RNF150: variants seen among roughly 807,000 people sequenced by gnomAD.
RNF150 encodes ring finger protein 150.
Under a neutral mutation model 39.3 loss-of-function variants are expected in RNF150, and 24 were observed. That is an observed-to-expected ratio of 0.61 (90% CI 0.44 to 0.86). The LOEUF is 0.86. Among genes scored for constraint, RNF150 ranks in the 40% least tolerant of loss-of-function variants. RNF150 has a pLI of 0.00. For missense variants in RNF150, 502 were observed against 587.8 expected (o/e 0.85, Z 1.51); for synonymous variants, 255 against 227.3 (o/e 1.12, Z -1.10).
At chr4:141,164,754 ATGAGACATTT>A (rs1416699406) in intron 1 of RNF150, among the ~76,000 whole-genome samples, 1 of 152,236 alleles carries the variant, frequency 6.6e-6, no homozygotes, top group African/African-American at 2.4e-5. Flanking sequence ...CAAGCAAATG[ATGAGACATTT>A]TGTCACCACC....
At chr4:140,952,403 T>A (rs1164974836) in intron 2 of RNF150, among the ~76,000 whole-genome samples, 1 of 152,230 alleles carries the variant, frequency 6.6e-6, no homozygotes, top group Non-Finnish European at 1.5e-5. Flanking sequence ...AAATGAAATA[T>A]GCCCTTCTTA....
At chr4:141,104,763 C>T (rs1739140834) in intron 1 of RNF150, among the ~76,000 whole-genome samples, 1 of 152,200 alleles carries the variant, frequency 6.6e-6, no homozygotes, top group Non-Finnish European at 1.5e-5. Context: ...GACAATCATT[C>T]AAAACATGAA....
At chr4:141,050,611 G>A (rs1736740040) in intron 1 of RNF150, among the ~76,000 whole-genome samples, 1 of 152,176 alleles carries the variant, frequency 6.6e-6, no homozygotes, top group African/African-American at 2.4e-5. Flanking sequence ...ATCCAGCAGG[G>A]CAGTTGAATC....
At chr4:140,895,703 TCTTATC>T (rs578178233) in intron 6 of RNF150, among the ~76,000 whole-genome samples, 130 of 152,308 alleles carry the variant, frequency 8.5e-4, no homozygotes, top group Non-Finnish European at 1.7e-3. Context: ...AGCCTTGTTG[TCTTATC>T]CTTTTTCTTA....
chr4:141,008,605 G>C (rs1365588529), intron 1 of RNF150, among the ~76,000 whole-genome samples: 2 of 152,102 alleles, frequency 1.3e-5, no homozygotes. Flanking sequence ...GGGTTCAAAG[G>C]CCTTTTGTTC....
chr4:141,003,770 A>C (rs1734761494), intron 1 of RNF150, among the ~76,000 whole-genome samples: 2 of 152,140 alleles, frequency 1.3e-5, no homozygotes, highest in African/African-American at 4.8e-5. Flanking sequence ...AGATGATAGA[A>C]GTTAAGAATT....
intron 1 of RNF150, among the ~76,000 whole-genome samples, chr4:141,101,408 C>T (rs1298704821): frequency 2.0e-5 from 3 of 151,992 alleles, no homozygotes; most frequent in Non-Finnish European, 4.4e-5. Context: ...CGTCCTCTAC[C>T]TCCATATATT....
At chr4:141,126,503 T>C (rs1011564393) in intron 1 of RNF150, among the ~76,000 whole-genome samples, 1 of 152,206 alleles carries the variant, frequency 6.6e-6, no homozygotes, top group Non-Finnish European at 1.5e-5. Context: ...TACCCCAAGT[T>C]TGGCTACATA....
chr4:141,114,244 A>G (rs746643458), intron 1 of RNF150, among the ~76,000 whole-genome samples: 8 of 152,156 alleles, frequency 5.3e-5, no homozygotes, highest in African/African-American at 9.7e-5. Flanking sequence ...AAAGATTAAC[A>G]AAGTAGATAG....
In RNF150 at chr4:140,867,046, T is replaced by C. The variant is rs754356564; in HGVS notation, c.*1215A>G. 2 of 152,218 alleles carry C rather than the reference T, an allele frequency of 1.3e-5. No homozygotes were observed. The highest frequency in any genetic ancestry group is 2.9e-5 in the Non-Finnish European group (2 of 68,042). The allele number at this position is 152,218 out of a possible 1,614,324, so 9.4% of individuals were successfully genotyped here. A position where few individuals can be genotyped will look rare whatever the true frequency, so the allele number is the denominator to read the frequency against. ...TAGCAAATTCTCATGCTGCATACTT[T>C]TTGGTTCAAATGATACAGCAAATCA... On this transcript the variant is annotated 3_prime_UTR_variant, in exon 7 of 7. Coordinates refer to ENST00000515673, the MANE Select transcript of RNF150 (RefSeq NM_020724.2).
intron 6 of RNF150, among the ~76,000 whole-genome samples, chr4:140,878,995 C>T (rs1244348917): frequency 6.6e-6 from 1 of 152,236 alleles, no homozygotes; most frequent in Non-Finnish European, 1.5e-5. Context: ...CTTTTCTCCA[C>T]ACCATTTTTT....
At chr4:141,212,352 G>A (rs1280368342) in intron 1 of RNF150, among the ~76,000 whole-genome samples, 3 of 152,096 alleles carry the variant, frequency 2.0e-5, no homozygotes, top group South Asian at 2.1e-4. Flanking sequence ...ACTGCATACC[G>A]AAGACATCAA....
At chr4:141,105,626 A>G (rs942035015) in intron 1 of RNF150, among the ~76,000 whole-genome samples, 2 of 152,198 alleles carry the variant, frequency 1.3e-5, no homozygotes, top group African/African-American at 4.8e-5. Context: ...GCCAAGCCTC[A>G]GCAATCTCAA....
Position 140,911,138 on chromosome 4 carries a change from A to G in RNF150, c.1198+6T>C. On this transcript the variant is annotated splice_donor_region_variant and intron_variant, in intron 6 of 6. Transcript: ENST00000515673. ...GCTATGTCACTTTAAGTATGGCAGA[A>G]CTCACTGTTAGTAGTAAAGATGACG... 1 of 1,609,694 alleles carries G rather than the reference A, an allele frequency of 6.2e-7. No homozygotes were observed. The highest frequency in any genetic ancestry group is 8.5e-7 in the Non-Finnish European group (1 of 1,176,036).
At chr4:141,062,889 A>G (rs1264002268) in intron 1 of RNF150, among the ~76,000 whole-genome samples, 5 of 152,044 alleles carry the variant, frequency 3.3e-5, no homozygotes, top group Admixed American at 6.6e-5. Context: ...GGTCATGTGC[A>G]CCCAGTGCTT....
At chr4:141,110,976 C>T (rs1245860067) in intron 1 of RNF150, among the ~76,000 whole-genome samples, 1 of 152,118 alleles carries the variant, frequency 6.6e-6, no homozygotes, top group African/African-American at 2.4e-5. Context: ...GAGTGTACTA[C>T]AGGACAAAAC....
chr4:141,083,248 G>T (rs572037307), intron 1 of RNF150, among the ~76,000 whole-genome samples: 80 of 152,236 alleles, frequency 5.3e-4, no homozygotes, highest in Non-Finnish European at 9.7e-4. Flanking sequence ...CAATTCTTTT[G>T]CATTTGTATA....
chr4:141,172,706 C>A (rs1169532418), intron 1 of RNF150, among the ~76,000 whole-genome samples: 1 of 152,108 alleles, frequency 6.6e-6, no homozygotes, highest in African/African-American at 2.4e-5. Flanking sequence ...ATTAATTACA[C>A]TTGGTTCAAA....
intron 1 of RNF150, among the ~76,000 whole-genome samples, chr4:141,083,120 T>G (rs1394460704): frequency 6.6e-6 from 1 of 152,238 alleles, no homozygotes. Flanking sequence ...ATGAAAGGCA[T>G]ACTCCAAATG....
Sources: gnomAD v4.1 joint callset for allele counts (sites outside exome capture counted in the v4.1 genomes callset) on GRCh38, gnomAD v4.1.1 for gene constraint, MANE v1.5 for transcripts, NCBI Gene and HGNC (gene_info 2026-07-23, HGNC 2026-07-21) for gene names.